The following ARHGAP21 variants were observed in gnomAD, a reference collection of about 807,000 sequenced individuals.
The protein encoded by ARHGAP21 is rho GTPase-activating protein 21.
Under a neutral mutation model 164.6 loss-of-function variants are expected in ARHGAP21, and 38 were observed. That is an observed-to-expected ratio of 0.23 (90% confidence interval 0.18 to 0.30). The LOEUF (loss-of-function observed/expected upper bound fraction) is 0.30. Ranked by LOEUF, ARHGAP21 falls within the 10% of genes least tolerant of loss-of-function variation. The pLI, the probability that ARHGAP21 is intolerant of heterozygous loss-of-function variation, is 1.00. For missense variants in ARHGAP21, 1,822 were observed against 2,370.7 expected, an observed-to-expected ratio of 0.77 and a Z score of 4.81; for synonymous variants, 766 against 857.9, an observed-to-expected ratio of 0.89 and a Z score of 1.87.
Position 24,596,052 on chromosome 10 carries a change from CAAG to C in ARHGAP21, c.3478-12_3478-10del. The C allele has an allele frequency of 6.3e-7, 1 of 1,581,400 alleles. No homozygotes were observed. The highest frequency in any genetic ancestry group is 8.6e-7 in the Non-Finnish European group (1 of 1,162,396). ...ACTATTAATGGAATATACTGCAAAA[CAAG>C]AAATAAACATTTTATTTAATGCAGC... is the stretch of plus-strand genomic sequence containing the variant. On this transcript the variant is annotated splice_polypyrimidine_tract_variant and intron_variant, in intron 17 of 25. Transcript: ENST00000396432.
In ARHGAP21 at chr10:24,585,706, G is replaced by A; in HGVS notation, c.4583C>T (p.Pro1528Leu). The change falls in exon 26 of 26, where the codon CCC (proline) becomes CTC (leucine). Residue 1528 changes from proline to leucine, a missense_variant. Coordinates refer to ENST00000396432, the MANE Select transcript of ARHGAP21 (RefSeq NM_020824.4). ...GGACTTCTGTGCCAGAAGTGACCTG[G>A]GGCTCTCTTTCAGGATGGCAAAGCG... The part of the protein sequence containing the change: ...SCRFAILKES[P>L]RSLLAQKSSH... The A allele has an allele frequency of 6.2e-7, 1 of 1,614,072 alleles. No homozygotes were observed. The highest frequency in any genetic ancestry group is 8.5e-7 in the Non-Finnish European group (1 of 1,180,000).
At chr10:24,675,197 T>C (rs1436011571) in intron 2 of ARHGAP21, among the ~76,000 whole-genome samples, 1 of 152,172 alleles carries the variant, frequency 6.6e-6, no homozygotes, top group African/African-American at 2.4e-5. Context: ...AATGGATAAC[T>C]AAACTGTGAC....
At chr10:24,715,475 C>A (rs553572992) in intron 2 of ARHGAP21, among the ~76,000 whole-genome samples, 1 of 152,300 alleles carries the variant, frequency 6.6e-6, no homozygotes, top group East Asian at 1.9e-4. Context: ...ATTGCCCTTT[C>A]ACTTGTCTGT....
intron 2 of ARHGAP21, among the ~76,000 whole-genome samples, chr10:24,678,297 G>A (rs7069557): frequency 0.52 from 79,579 of 151,858 alleles, 20,954 homozygotes; most frequent in Middle Eastern, 0.58. Context: ...GTTTAGTTCT[G>A]TGCAGGGTTA....
rs145775616 is a variant in ARHGAP21, at chr10:24,676,246, C to A, written c.64-5849G>T. 1.3e-3 allele frequency among the ~76,000 whole-genome samples: 194 copies of A among 152,318 alleles called. 1 individual carries two copies. Among genetic ancestry groups the A allele is most frequent in the East Asian group, 9.8e-3 (51 of 5,178 alleles). ...TCATTGTTTCCTATCTCCCATCATT[C>A]TTCAAGAACACAAGATTCTATTTTG... On this transcript the variant is annotated intron_variant, in intron 2 of 25. Transcript: ENST00000396432.
At position 24,584,678 on chromosome 10, in the gene ARHGAP21, C is replaced by T. The variant is rs376538277; in HGVS notation, c.5611G>A (p.Gly1871Arg). 1.1e-5 allele frequency: 17 copies of T among 1,613,758 alleles called. No individual in the cohort carries two copies. The Admixed American group carries it at 1.2e-4, about 11-fold the overall frequency. The change falls in exon 26 of 26, where the codon GGA becomes AGA. Residue 1871 changes from glycine to arginine, a missense_variant. This residue lies in a region of ARHGAP21 where 165 missense variants were observed against 176.6 expected (regional missense o/e 0.93). Transcript: ENST00000396432. ...CTTGGGTTCTCTGTCTGGGGATCTC[C>T]GATTTCTCCTCTGCTAAGGTCAGAG... ...STSDLSRGEI[G>R]DPQTENPSTR... is the part of the protein sequence containing the mutation.
At chr10:24,661,638 G>T (rs890916285) in intron 4 of ARHGAP21, among the ~76,000 whole-genome samples, 4 of 152,126 alleles carry the variant, frequency 2.6e-5, no homozygotes, top group Non-Finnish European at 5.9e-5. Context: ...TACACTGGAG[G>T]CTCCGATTCC....
At chr10:24,650,591 A>T (rs541232817) in intron 4 of ARHGAP21, among the ~76,000 whole-genome samples, 1 of 152,354 alleles carries the variant, frequency 6.6e-6, no homozygotes, top group Middle Eastern at 3.4e-3. Flanking sequence ...AGAGAAAAAT[A>T]TAAGAATGAA....
chr10:24,692,607 G>A (rs1460655540), intron 2 of ARHGAP21, among the ~76,000 whole-genome samples: 2 of 152,132 alleles, frequency 1.3e-5, no homozygotes, highest in African/African-American at 2.4e-5. Flanking sequence ...CAAGGTGGGC[G>A]GATCACCTGA....
chr10:24,645,930 G>A (rs1386821414), intron 4 of ARHGAP21, among the ~76,000 whole-genome samples: 2 of 152,200 alleles, frequency 1.3e-5, no homozygotes, highest in Admixed American at 1.3e-4. Flanking sequence ...AAGTGGTCAG[G>A]GAAGGCCTCT....
chr10:24,606,453 C>T (rs1450473092), intron 11 of ARHGAP21, among the ~76,000 whole-genome samples: 1 of 152,098 alleles, frequency 6.6e-6, no homozygotes, highest in Non-Finnish European at 1.5e-5. Flanking sequence ...CAAATTAAAA[C>T]TGCAATATGC....
At chr10:24,592,074 G>A (rs2076353598) in intron 21 of ARHGAP21, 62 bp from the exon 22 acceptor site, 3 of 1,347,298 alleles carry the variant, frequency 2.2e-6, no homozygotes, top group Non-Finnish European at 2.9e-6. Context: ...GGCTGAAATT[G>A]CCATTGTAGG....
Position 24,584,437 on chromosome 10 carries a change from T to G in ARHGAP21, c.5852A>C (p.Lys1951Thr), listed in dbSNP as rs779009114. ...TTAAAGACAGGGATGAAACTCTGCT[T>G]TACTGCCTGGGGTTTCAGACAGTTT... ...PHKLSETPGS[K>T]AEFHPCL The change falls in exon 26 of 26, where the codon AAA (lysine) becomes ACA (threonine). Residue 1951 changes from lysine to threonine, a missense_variant. Lys to Thr is a moderately conservative substitution (Grantham distance 78). Around this residue, in one of 5 missense-constraint regions of ARHGAP21, gnomAD observed 165 missense variants for 176.6 expected, o/e 0.93. Coordinates refer to ENST00000396432, the MANE Select transcript of ARHGAP21 (RefSeq NM_020824.4). 1 of 1,611,486 alleles carries G rather than the reference T, an allele frequency of 6.2e-7. No individual in the cohort carries two copies. Among genetic ancestry groups the G allele is most frequent in the African/African-American group, 1.3e-5 (1 of 74,812 alleles).
At chr10:24,595,217 T>A in intron 19 of ARHGAP21, 27 bp from the exon 20 acceptor site, 1 of 1,564,978 alleles carries the variant, frequency 6.4e-7, no homozygotes, top group South Asian at 1.2e-5. Context: ...TAAAACAAAT[T>A]TATCTTAAAT....
At chr10:24,710,843 C>G (rs1394246246) in intron 2 of ARHGAP21, among the ~76,000 whole-genome samples, 1 of 152,078 alleles carries the variant, frequency 6.6e-6, no homozygotes, top group Non-Finnish European at 1.5e-5. Flanking sequence ...CGCCTTTAAT[C>G]CCAGCACTTT....
Position 24,620,656 on chromosome 10 carries a change from A to G in ARHGAP21, c.1239T>C (p.Asp413=). Residue 413 remains aspartate, a synonymous_variant, in exon 9 of 26, where the codon GAT becomes GAC. Transcript: ENST00000396432. ...TGCTTTGAGATGCTGCTCTTAAACT[A>G]TCTAATCTTTCTTGTATTGTCCGAC... ...IGCRTIQERL[D]SLRAASQSTT... is the part of the protein sequence containing the mutation. The G allele has an allele frequency of 6.2e-7, 1 of 1,614,198 alleles. No individual in the cohort carries two copies. The highest frequency in any genetic ancestry group is 1.1e-5 in the South Asian group (1 of 91,084).
chr10:24,650,965 C>CAA (rs148327240), intron 4 of ARHGAP21, among the ~76,000 whole-genome samples: 3 of 129,846 alleles, frequency 2.3e-5, no homozygotes, highest in African/African-American at 5.7e-5. Context: ...GCTGAGGAGA[C>CAA]AAAAAAAAAA....
chr10:24,718,567 A>G (rs1309369497), intron 2 of ARHGAP21, among the ~76,000 whole-genome samples: 1 of 152,144 alleles, frequency 6.6e-6, no homozygotes, highest in Non-Finnish European at 1.5e-5. Context: ...GAGAAGAGAG[A>G]GCGCCTGAGA....
intron 4 of ARHGAP21, among the ~76,000 whole-genome samples, chr10:24,658,192 T>C (rs934808941): frequency 6.6e-6 from 1 of 152,104 alleles, no homozygotes; most frequent in African/African-American, 2.4e-5. Context: ...CTGGAGAGGA[T>C]GTAGAGAAAC....
Sources: allele counts gnomAD v4.1 joint callset (sites outside exome capture counted in the v4.1 genomes callset), GRCh38; gene constraint gnomAD v4.1.1; regional missense constraint gnomAD v4.1.1; transcripts MANE v1.5; gene names NCBI Gene and HGNC (gene_info 2026-07-23, HGNC 2026-07-21).